Variants in ZC3H12B observed in about 807,000 individuals in gnomAD.
The protein encoded by ZC3H12B is probable ribonuclease ZC3H12B.
In ZC3H12B, 7 loss-of-function variants were observed where a neutral mutation model predicts 43.9. That is an observed-to-expected ratio of 0.16 (90% CI 0.09 to 0.30). The LOEUF is 0.30. Ranked by LOEUF, ZC3H12B falls within the 10% of genes least tolerant of loss-of-function variation. The probability of loss-of-function intolerance (pLI) is 1.00; values close to 1 mark genes in which losing one functional copy is unlikely to be tolerated. For missense variants in ZC3H12B, 475 were observed against 670.2 expected, an observed-to-expected ratio of 0.71 and a Z score of 3.22; for synonymous variants, 222 against 241.7, an observed-to-expected ratio of 0.92 and a Z score of 0.76.
chrX:65,283,749 T>C, the ZC3H12B span, among the ~76,000 whole-genome samples: 1 of 111,298 alleles, frequency 9.0e-6, no homozygotes, highest in Non-Finnish European at 1.9e-5. Flanking sequence ...AAGTAGCCAG[T>C]GGCAACTGTA....
At chrX:65,382,143 C>T (rs780677970) in intron 2 of ZC3H12B, among the ~76,000 whole-genome samples, 182 of 111,237 alleles carry the variant, frequency 1.6e-3, no homozygotes, top group African/African-American at 5.8e-3. Flanking sequence ...GGCAGAGACA[C>T]AACCAAAAAA....
the ZC3H12B span, among the ~76,000 whole-genome samples, chrX:65,186,928 CATTG>C: frequency 8.9e-6 from 1 of 112,014 alleles, no homozygotes; most frequent in African/African-American, 3.2e-5. Flanking sequence ...TTTATCCACT[CATTG>C]ATTGGTGGGC....
At chrX:65,224,505 A>G in the ZC3H12B span, among the ~76,000 whole-genome samples, 1 of 112,505 alleles carries the variant, frequency 8.9e-6, no homozygotes, top group African/African-American at 3.2e-5. Context: ...CTCACTAGGG[A>G]GTGCCAGACA....
At chrX:65,071,123 A>G in the ZC3H12B span, among the ~76,000 whole-genome samples, 1 of 109,841 alleles carries the variant, frequency 9.1e-6, no homozygotes, top group African/African-American at 3.3e-5. Context: ...TATTTTATGA[A>G]TGCGATTGCA....
At chrX:65,312,925 AG>A in the ZC3H12B span, among the ~76,000 whole-genome samples, 2 of 111,457 alleles carry the variant, frequency 1.8e-5, no homozygotes, top group Non-Finnish European at 3.8e-5. Flanking sequence ...TCTGTGGCCC[AG>A]GCTGGAGTGC....
chrX:65,486,750 C>A (rs1370737252), upstream of ZC3H12B, among the ~76,000 whole-genome samples: 1 of 112,286 alleles, frequency 8.9e-6, no homozygotes, highest in African/African-American at 3.2e-5. Context: ...TCTACATAAG[C>A]ATGGTGAAAT....
At chrX:65,209,857 C>A in the ZC3H12B span, among the ~76,000 whole-genome samples, 6 of 99,362 alleles carry the variant, frequency 6.0e-5, no homozygotes, top group Admixed American at 3.3e-4. Flanking sequence ...GGAAAACTGG[C>A]TAGCCATATG....
At chrX:65,334,700 GT>G in the ZC3H12B span, among the ~76,000 whole-genome samples, 1 of 111,478 alleles carries the variant, frequency 9.0e-6, no homozygotes, top group Non-Finnish European at 1.9e-5. Flanking sequence ...TGGCTTCAGG[GT>G]GGGGCTCTTG....
the ZC3H12B span, among the ~76,000 whole-genome samples, chrX:65,157,644 G>A: frequency 2.7e-5 from 3 of 110,969 alleles, no homozygotes; most frequent in African/African-American, 9.8e-5. Context: ...TTTCCATTTT[G>A]AACAAACTGT....
At chrX:65,312,680 C>A in the ZC3H12B span, among the ~76,000 whole-genome samples, 5 of 111,156 alleles carry the variant, frequency 4.5e-5, no homozygotes, top group African/African-American at 1.6e-4. Context: ...GGTTAAGGTG[C>A]CAGTAGATTG....
At chrX:65,257,876 T>A in the ZC3H12B span, among the ~76,000 whole-genome samples, 2 of 110,553 alleles carry the variant, frequency 1.8e-5, no homozygotes, top group Admixed American at 1.9e-4. Context: ...GTTTCAAAAT[T>A]GAATCAGTAA....
At chrX:65,383,145 A>C (rs1047729215) in intron 2 of ZC3H12B, among the ~76,000 whole-genome samples, 1 of 111,979 alleles carries the variant, frequency 8.9e-6, no homozygotes, top group African/African-American at 3.2e-5. Flanking sequence ...TGCATTGCCA[A>C]GTCATCCTGA....
the ZC3H12B span, among the ~76,000 whole-genome samples, chrX:65,361,135 G>T: frequency 3.6e-5 from 4 of 111,502 alleles, no homozygotes; most frequent in African/African-American, 1.3e-4. Context: ...TTCTTCACAT[G>T]TGTTATCATA....
At chrX:65,078,266 A>C in the ZC3H12B span, among the ~76,000 whole-genome samples, 1 of 112,368 alleles carries the variant, frequency 8.9e-6, no homozygotes, top group Non-Finnish European at 1.9e-5. Flanking sequence ...ATGGAGATAT[A>C]AATTTAGAAG....
intron 3 of ZC3H12B, among the ~76,000 whole-genome samples, chrX:65,436,426 T>A (rs1389834884): frequency 8.9e-6 from 1 of 112,465 alleles, no homozygotes; most frequent in African/African-American, 3.2e-5. Context: ...CTATCTGGAC[T>A]TTTTACCAAT....
At chrX:65,442,373 T>C (rs1372912858) in intron 3 of ZC3H12B, among the ~76,000 whole-genome samples, 2 of 111,286 alleles carry the variant, frequency 1.8e-5, no homozygotes, top group Admixed American at 1.9e-4. Flanking sequence ...CATATGGTTC[T>C]CTGGGTCCCT....
chrX:65,395,423 T>C (rs943521517), intron 2 of ZC3H12B, among the ~76,000 whole-genome samples: 1 of 112,299 alleles, frequency 8.9e-6, no homozygotes, highest in African/African-American at 3.2e-5. Context: ...TGAAGGGCTG[T>C]TGAATTTTGT....
At chrX:65,284,257 A>C in the ZC3H12B span, among the ~76,000 whole-genome samples, 4 of 109,069 alleles carry the variant, frequency 3.7e-5, no homozygotes, top group African/African-American at 1.0e-4. Flanking sequence ...CACACAAAAA[A>C]AAAAAAAAAC....
chrX:65,494,820 A>C (rs1201361870), intron 1 of ZC3H12B, among the ~76,000 whole-genome samples: 1 of 109,974 alleles, frequency 9.1e-6, no homozygotes, highest in African/African-American at 3.3e-5. Context: ...ATAAATAAAT[A>C]AATAAATAAA....
Sources: gnomAD v4.1 joint callset for allele counts (sites outside exome capture counted in the v4.1 genomes callset) on GRCh38, gnomAD v4.1.1 for gene constraint, MANE v1.5 for transcripts, NCBI Gene and HGNC (gene_info 2026-07-23, HGNC 2026-07-21) for gene names.